Variants in ATP2C1 observed in about 807,000 individuals in gnomAD.
ATP2C1 encodes ATPase secretory pathway Ca2+ transporting 1.
In ATP2C1, 31 loss-of-function variants were observed where a neutral mutation model predicts 120.5. That is an observed-to-expected ratio of 0.26 (90% confidence interval 0.19 to 0.35). The LOEUF (loss-of-function observed/expected upper bound fraction) is 0.35, where lower values mean the gene tolerates loss of function less well. ATP2C1 is among the 10% of genes least tolerant of loss of function. The probability of loss-of-function intolerance (pLI) is 1.00; values close to 1 mark genes in which losing one functional copy is unlikely to be tolerated. For missense variants in ATP2C1, 731 were observed against 1,107.5 expected (o/e 0.66, Z 4.83); for synonymous variants, 351 against 358.7 (o/e 0.98, Z 0.24).
intron 1 of ATP2C1, among the ~76,000 whole-genome samples, chr3:130,887,964 T>A (rs1446879432): frequency 2.0e-5 from 3 of 152,074 alleles, no homozygotes; most frequent in African/African-American, 7.2e-5. Flanking sequence ...CGTCTCAGAG[T>A]CTCACCCAAG....
rs1240300062 is a variant in ATP2C1, at chr3:130,990,283, C to CG, written c.1840-2668_1840-2667insG. 8.1e-5 allele frequency among the ~76,000 whole-genome samples: 11 copies of CG among 135,426 alleles called. No homozygotes were observed. The East Asian group carries it at 2.6e-3, about 32-fold the overall frequency. 88.8% of individuals were successfully genotyped at this position (135,426 alleles called of 152,430 possible). A position where few individuals can be genotyped will look rare whatever the true frequency, so the allele number is the denominator to read the frequency against. The stretch of plus-strand genomic sequence containing the variant: ...AGTGCTTAAGAGCAACCCCCCCCCC[C>CG]ACAAAAAAAGGCAAAATTTGAATGA... On this transcript the variant is annotated intron_variant, in intron 20 of 27. Coordinates refer to ENST00000510168, the MANE Select transcript of ATP2C1 (RefSeq NM_001378687.1).
chr3:130,976,748 C>A (rs780212858), intron 18 of ATP2C1, among the ~76,000 whole-genome samples: 13 of 152,144 alleles, frequency 8.5e-5, no homozygotes, highest in Non-Finnish European at 1.8e-4. Flanking sequence ...CAGATTCTTT[C>A]TCCCAGCGTC....
intron 3 of ATP2C1, among the ~76,000 whole-genome samples, chr3:130,931,724 A>G (rs1007779141): frequency 2.6e-5 from 4 of 152,142 alleles, no homozygotes; most frequent in Non-Finnish European, 2.9e-5. Flanking sequence ...CACATAAAAT[A>G]CAATGTACTT....
At chr3:130,987,431 G>A (rs1043493528) in intron 20 of ATP2C1, among the ~76,000 whole-genome samples, 1 of 152,170 alleles carries the variant, frequency 6.6e-6, no homozygotes, top group African/African-American at 2.4e-5. Context: ...CCCAGTTCAG[G>A]TGATCCCTCA....
chr3:130,940,964 G>A (rs1484648641), intron 7 of ATP2C1, among the ~76,000 whole-genome samples: 1 of 137,882 alleles, frequency 7.3e-6, no homozygotes, highest in East Asian at 2.1e-4. Context: ...ACCCAGGCTG[G>A]AGTGCAGTGG....
At chr3:130,943,422 G>C (rs1203824056) in intron 8 of ATP2C1, among the ~76,000 whole-genome samples, 2 of 152,008 alleles carry the variant, frequency 1.3e-5, no homozygotes, top group African/African-American at 4.8e-5. Context: ...TGGCTGTGTT[G>C]GCCAGGCTGG....
Position 131,001,653 on chromosome 3 carries a change from C to A in ATP2C1, c.*303C>A. On this transcript the variant is annotated 3_prime_UTR_variant, in exon 28 of 28. Transcript: ENST00000510168. Reference sequence around the variant, plus strand: ...AACCACCTTCTGCACTTAAAGAAGTCTAACAGTACAAATACACTATCTATC... The same window carrying A: ...AACCACCTTCTGCACTTAAAGAAGTATAACAGTACAAATACACTATCTATC... The A allele has an allele frequency of 9.3e-7, 1 of 1,074,084 alleles. No homozygotes were observed. Among genetic ancestry groups the A allele is most frequent in the Admixed American group, 4.9e-5 (1 of 20,424 alleles). The allele number at this position is 1,074,084 out of a possible 1,614,324, so 66.5% of individuals were successfully genotyped here.
At chr3:130,947,483 T>TA (rs2060200826) in intron 8 of ATP2C1, among the ~76,000 whole-genome samples, 1 of 152,192 alleles carries the variant, frequency 6.6e-6, no homozygotes, top group Admixed American at 6.5e-5. Context: ...GCCACTGAAA[T>TA]ACATGTGCCT....
intron 2 of ATP2C1, among the ~76,000 whole-genome samples, chr3:130,913,125 T>C (rs2058517151): frequency 6.9e-6 from 1 of 144,168 alleles, no homozygotes; most frequent in Admixed American, 6.9e-5. Flanking sequence ...AGGGATAGCA[T>C]TGGGAGATAT....
chr3:130,874,024 C>T (rs1163793462), intron 1 of ATP2C1, among the ~76,000 whole-genome samples: 4 of 151,650 alleles, frequency 2.6e-5, no homozygotes, highest in Admixed American at 1.3e-4. Context: ...GCAGGAGAAT[C>T]GCTTGAACCC....
chr3:130,865,230 G>A (rs2068132594), intron 1 of ATP2C1, among the ~76,000 whole-genome samples: 1 of 152,140 alleles, frequency 6.6e-6, no homozygotes, highest in Non-Finnish European at 1.5e-5. Context: ...ACTTGTATGG[G>A]CCTCGTAACC....
intron 2 of ATP2C1, among the ~76,000 whole-genome samples, chr3:130,907,080 A>G (rs200510923): frequency 0.012 from 705 of 56,768 alleles, 4 homozygotes; most frequent in African/African-American, 0.078. Context: ...ATATGTGTGT[A>G]CACACACACA....
intron 2 of ATP2C1, among the ~76,000 whole-genome samples, chr3:130,902,786 G>A (rs61703466): frequency 0.031 from 4,670 of 151,622 alleles, 227 homozygotes; most frequent in African/African-American, 0.1. Context: ...TTTGCTTGTC[G>A]GGTGTCTTTT....
chr3:130,974,464 T>G (rs991632245), intron 17 of ATP2C1, among the ~76,000 whole-genome samples: 3 of 152,230 alleles, frequency 2.0e-5, no homozygotes, highest in African/African-American at 7.2e-5. Flanking sequence ...GTACTCATGT[T>G]TATTGGCCAA....
In ATP2C1 at chr3:130,967,313, A is replaced by G; in HGVS notation, c.1219-17A>G. The G allele has an allele frequency of 1.2e-6, 2 of 1,613,128 alleles. No homozygotes were observed. Among genetic ancestry groups the G allele is most frequent in the South Asian group, 1.1e-5 (1 of 91,056 alleles). On this transcript the variant is annotated splice_polypyrimidine_tract_variant and intron_variant, in intron 15 of 27. Coordinates refer to ENST00000510168, the MANE Select transcript of ATP2C1 (RefSeq NM_001378687.1). Reference sequence around the variant, plus strand: ...AGACACAGTGATAGGTTCATAGTTTATGTGTATTTTTCTTAGGCGGGCTGT... The same window carrying G: ...AGACACAGTGATAGGTTCATAGTTTGTGTGTATTTTTCTTAGGCGGGCTGT...
intron 8 of ATP2C1, among the ~76,000 whole-genome samples, chr3:130,943,056 ATGCT>A (rs2059991714): frequency 6.6e-6 from 1 of 152,196 alleles, no homozygotes; most frequent in African/African-American, 2.4e-5. Flanking sequence ...AACACCATTA[ATGCT>A]TGCTAAACTA....
chr3:130,889,729 T>C (rs1357859567), upstream of ATP2C1, among the ~76,000 whole-genome samples: 1 of 150,772 alleles, frequency 6.6e-6, no homozygotes, highest in Non-Finnish European at 1.5e-5. Flanking sequence ...CACTGCAGCT[T>C]TGACCTCCTG....
rs1157956407 is a variant in ATP2C1 at position 130,902,284 on chromosome 3, G to GTTTTT, written c.6+7517_6+7521dup. 5.2e-4 allele frequency among the ~76,000 whole-genome samples: 34 copies of GTTTTT among 65,504 alleles called. 9 individuals are homozygous for GTTTTT. Among genetic ancestry groups the GTTTTT allele is most frequent in the African/African-American group, 1.6e-3 (28 of 17,732 alleles). The allele number at this position is 65,504 out of a possible 152,430, so 43.0% of individuals were successfully genotyped here. A position where few individuals can be genotyped will look rare whatever the true frequency, so the allele number is the denominator to read the frequency against. On this transcript the variant is annotated intron_variant, in intron 2 of 27. Transcript: ENST00000510168. ...TTAACTGCTAATTTCAAGGCTTCAC[G>GTTTTT]TTTTTTTTTTTTGTTTTTTTTTTTT...
At chr3:130,983,666 C>CG (rs1187310595) in intron 20 of ATP2C1, among the ~76,000 whole-genome samples, 2 of 152,194 alleles carry the variant, frequency 1.3e-5, no homozygotes, top group African/African-American at 4.8e-5. Context: ...ACGTTTTCAT[C>CG]CCTCCCCACT....
Sources: gnomAD v4.1 joint callset for allele counts (sites outside exome capture counted in the v4.1 genomes callset) on GRCh38, gnomAD v4.1.1 for gene constraint, MANE v1.5 for transcripts, NCBI Gene and HGNC (gene_info 2026-07-23, HGNC 2026-07-21) for gene names.